COL6A6: variants seen among roughly 807,000 people sequenced by gnomAD.
COL6A6 encodes collagen alpha-6(VI) chain.
A neutral mutation model predicts 208.6 loss-of-function variants in COL6A6; 183 were observed. The observed-to-expected ratio is 0.88, with a 90% confidence interval of 0.78 to 0.99. COL6A6 has a LOEUF of 0.99. Among genes scored for constraint, COL6A6 ranks in the 50% least tolerant of loss-of-function variants. The pLI is 0.00. For missense variants in COL6A6, 2,816 were observed against 2,815.2 expected (o/e 1.00, Z -0.01); for synonymous variants, 973 against 1,011.8 (o/e 0.96, Z 0.73).
rs1459267904 is a variant in COL6A6 at position 130,565,447 on chromosome 3, A to G, written c.1115A>G (p.Asp372Gly). 1.2e-6 allele frequency: 2 copies of G among 1,613,914 alleles called. No individual in the cohort carries two copies. The change falls in exon 4 of 37, where the codon GAC becomes GGC. Residue 372 changes from aspartate (D) to glycine (G), a missense_variant. By Grantham distance (94) the Asp-to-Gly change is moderately conservative. Coordinates refer to ENST00000358511, the MANE Select transcript of COL6A6 (RefSeq NM_001102608.3). Reference protein sequence around the residue: ...IFTLGIEGASDTQLEKIASHP... With the variant: ...IFTLGIEGASGTQLEKIASHP... ...ACCCTGGGCATAGAGGGCGCCAGCG[A>G]CACCCAGTTGGAAAAGATAGCATCC...
chr3:130,524,878 T>C (rs13316016), intron 1 of COL6A6, among the ~76,000 whole-genome samples: 14,439 of 152,134 alleles, frequency 0.095, 1,252 homozygotes, highest in African/African-American at 0.23. Flanking sequence ...GCCATGCCAC[T>C]AACTGCAGCC....
At position 130,593,188 on chromosome 3, in the gene COL6A6, T is replaced by A. The variant is rs371360115; in HGVS notation, c.4417-11T>A. On this transcript the variant is annotated splice_polypyrimidine_tract_variant and intron_variant, in intron 16 of 36. Coordinates refer to ENST00000358511, the MANE Select transcript of COL6A6 (RefSeq NM_001102608.3). ...GAATTCTATTAATAGCTTTCCCTTCTTGTTTTTTAGGGTGATAATGGTCTT... is the reference window on the plus strand; with the variant it reads ...GAATTCTATTAATAGCTTTCCCTTCATGTTTTTTAGGGTGATAATGGTCTT... 18 of 1,612,972 alleles carry A rather than the reference T, an allele frequency of 1.1e-5. No homozygotes were observed. The highest frequency in any genetic ancestry group is 2.2e-5 in the East Asian group (1 of 44,872).
At chr3:130,619,116 A>G (rs2064626076) in intron 23 of COL6A6, among the ~76,000 whole-genome samples, 1 of 152,216 alleles carries the variant, frequency 6.6e-6, no homozygotes, top group African/African-American at 2.4e-5. Context: ...GTATCCTATG[A>G]TGCGCCAGAG....
intron 32 of COL6A6, among the ~76,000 whole-genome samples, chr3:130,647,536 C>T (rs1202206176): frequency 1.3e-5 from 2 of 152,180 alleles, no homozygotes; most frequent in African/African-American, 4.8e-5. Flanking sequence ...TACATGATTT[C>T]CTGTCTCCAT....
intron 18 of COL6A6, among the ~76,000 whole-genome samples, chr3:130,594,704 G>A (rs2063803562): frequency 6.6e-6 from 1 of 152,036 alleles, no homozygotes; most frequent in Admixed American, 6.6e-5. Context: ...TCTTGTGTTA[G>A]TCTGTTCTCA....
chr3:130,577,086 A>C (rs1287368520), intron 8 of COL6A6, among the ~76,000 whole-genome samples: 3 of 152,190 alleles, frequency 2.0e-5, no homozygotes, highest in Non-Finnish European at 4.4e-5. Context: ...GAGGTGACTA[A>C]GAATCATTAT....
Position 130,634,593 on chromosome 3 carries a change from CAAG to C in COL6A6, c.5000_5002del (p.Glu1667del), listed in dbSNP as rs763741941. The C allele has an allele frequency of 1.2e-6, 2 of 1,606,520 alleles. No individual in the cohort carries two copies. Among genetic ancestry groups the C allele is most frequent in the Admixed American group, 3.4e-5 (2 of 59,250 alleles). On this transcript the variant is annotated inframe_deletion, in exon 27 of 37. Transcript: ENST00000358511. ...TCTTTCCTCCTGTCCATTACAGGGA[CAAG>C]AAGGATTCCCTGGAGAAAGTGGACC...
In COL6A6 at chr3:130,635,271, A is replaced by G. The variant is rs559554183; in HGVS notation, c.5029-428A>G. On this transcript the variant is annotated intron_variant, in intron 27 of 36. Transcript: ENST00000358511. ...AAAAGTAGAAAGAAAAGTGTAATGT[A>G]AAGAAAATAAGAGTTATTTGATTTT... is the stretch of plus-strand genomic sequence containing the variant. Among the ~76,000 whole-genome samples, 3 of 152,302 alleles carry G rather than the reference A, an allele frequency of 2.0e-5. No homozygotes were observed. In the East Asian group the frequency reaches 5.8e-4, roughly 29 times the overall value.
chr3:130,641,773 G>A, intron 29 of COL6A6, 59 bp downstream of exon 29: 3 of 983,120 alleles, frequency 3.1e-6, no homozygotes, highest in South Asian at 3.4e-5. Context: ...AAAAAAGTCA[G>A]TGCATGAAAT....
At chr3:130,558,642 A>G (rs1577697061) in intron 1 of COL6A6, among the ~76,000 whole-genome samples, 1 of 152,160 alleles carries the variant, frequency 6.6e-6, no homozygotes, top group Non-Finnish European at 1.5e-5. Flanking sequence ...ACTGTTTGCA[A>G]ACTTTTGACA....
chr3:130,612,131 G>A (rs945003620), intron 23 of COL6A6, among the ~76,000 whole-genome samples: 23 of 152,112 alleles, frequency 1.5e-4, no homozygotes, highest in African/African-American at 5.1e-4. Flanking sequence ...TTTTATGGCT[G>A]TATAGTATTC....
At chr3:130,655,124 G>A (rs770616361) in intron 33 of COL6A6, among the ~76,000 whole-genome samples, 4 of 152,164 alleles carry the variant, frequency 2.6e-5, no homozygotes, top group Admixed American at 1.3e-4. Flanking sequence ...CCAGAATAAT[G>A]ACTAGTAATG....
Position 130,564,975 on chromosome 3 carries a change from T to C in COL6A6, c.662-19T>C. 6.2e-7 allele frequency: 1 copy of C among 1,606,420 alleles called. No individual in the cohort carries two copies. The highest frequency in any genetic ancestry group is 8.5e-7 in the Non-Finnish European group (1 of 1,175,710). On this transcript the variant is annotated intron_variant, in intron 3 of 36. Transcript: ENST00000358511. ...GAACCACCAGCTAAAATTGTGCTTGTTTATTTCTTGCCACACAGCTTGCCA... is the reference window on the plus strand; with the variant it reads ...GAACCACCAGCTAAAATTGTGCTTGCTTATTTCTTGCCACACAGCTTGCCA...
chr3:130,555,234 AG>A (rs2062741041), intron 1 of COL6A6, among the ~76,000 whole-genome samples: 1 of 152,134 alleles, frequency 6.6e-6, no homozygotes, highest in African/African-American at 2.4e-5. Context: ...TCATGCTTCC[AG>A]GATTCCAGAA....
At chr3:130,599,641 ACT>A (rs896741361) in intron 19 of COL6A6, 114 bp from the exon 20 acceptor site, 2 of 940,288 alleles carry the variant, frequency 2.1e-6, no homozygotes, top group African/African-American at 1.6e-5. Flanking sequence ...AGGAAAGGTA[ACT>A]CTCTCATTGG....
At chr3:130,567,622 A>C (rs2063059287) in intron 5 of COL6A6, among the ~76,000 whole-genome samples, 1 of 152,190 alleles carries the variant, frequency 6.6e-6, no homozygotes, top group South Asian at 2.1e-4. Context: ...AGCTTTTATG[A>C]AATCATTTAG....
At chr3:130,549,357 T>C (rs900561229) in intron 1 of COL6A6, among the ~76,000 whole-genome samples, 12 of 152,168 alleles carry the variant, frequency 7.9e-5, no homozygotes, top group Non-Finnish European at 1.6e-4. Flanking sequence ...AGGCTCTCAC[T>C]ATGTTGCTCA....
rs1559812231 is a variant in COL6A6 at position 130,675,260 on chromosome 3, T to TTCTTTCAAGATAAAAAATA, written c.6666_6684dup (p.Val2229Ter). ...AGAAGATGTATTACAGAAGGCAAAA[T>TTCTTTCAAGATAAAAAATA]TCTTTCAAGATAAAAAATATCTTTC... On this transcript the variant is annotated frameshift_variant, in exon 37 of 37. Transcript: ENST00000358511. LOFTEE classifies it low-confidence loss of function (END_TRUNC). 24 of 1,586,690 alleles carry TTCTTTCAAGATAAAAAATA rather than the reference T, an allele frequency of 1.5e-5. No homozygotes were observed. In the Middle Eastern group the frequency reaches 5.0e-4, roughly 33 times the overall value.
chr3:130,637,198 TA>T (rs147536762), intron 28 of COL6A6, among the ~76,000 whole-genome samples: 45 of 118,606 alleles, frequency 3.8e-4, no homozygotes, highest in Admixed American at 4.5e-4. Flanking sequence ...CATTATGCTC[TA>T]AAAAAAAAAG....
Sources: allele counts gnomAD v4.1 joint callset (sites outside exome capture counted in the v4.1 genomes callset), GRCh38; gene constraint gnomAD v4.1.1; transcripts MANE v1.5; gene names NCBI Gene and HGNC (gene_info 2026-07-23, HGNC 2026-07-21).